The following AKAP9 variants were observed in gnomAD, a reference collection of about 807,000 sequenced individuals.
AKAP9 encodes the protein A-kinase anchor protein 9.
A neutral mutation model predicts 488.5 loss-of-function variants in AKAP9; 311 were observed. That is an observed-to-expected ratio of 0.64 (90% CI 0.58 to 0.70). The LOEUF is 0.70. AKAP9 is among the 30% of genes least tolerant of loss of function. The pLI is 0.00. For missense variants in AKAP9, 4,215 were observed against 4,374.5 expected, an observed-to-expected ratio of 0.96 and a Z score of 1.03; for synonymous variants, 1,462 against 1,483.5, an observed-to-expected ratio of 0.99 and a Z score of 0.33.
Position 91,951,562 on chromosome 7 carries a change from C to T in AKAP9, c.48+10415C>T, listed in dbSNP as rs373327815. 3.8e-3 allele frequency among the ~76,000 whole-genome samples: 585 copies of T among 152,244 alleles called. 3 individuals carry two copies. Among genetic ancestry groups the T allele is most frequent in the African/African-American group, 0.013 (561 of 41,562 alleles). ...CTGGTCTTGAACTCCTGGGCTCAAG[C>T]GGTTCTCCCACCTTGGCCTCCCAGT... On this transcript the variant is annotated intron_variant, in intron 1 of 49. Transcript: ENST00000356239.
At chr7:92,019,362 G>A (rs1024174021) in intron 12 of AKAP9, among the ~76,000 whole-genome samples, 2 of 151,570 alleles carry the variant, frequency 1.3e-5, no homozygotes, top group Non-Finnish European at 2.9e-5. Context: ...GGCTGGTCTC[G>A]AACTCTTGAC....
At chr7:91,954,234 A>G (rs1792655034) in intron 1 of AKAP9, among the ~76,000 whole-genome samples, 1 of 152,168 alleles carries the variant, frequency 6.6e-6, no homozygotes, top group Non-Finnish European at 1.5e-5. Context: ...AAATTATGGG[A>G]TGAGTCTCCA....
At chr7:92,030,519 G>A (rs1387905844) in intron 15 of AKAP9, among the ~76,000 whole-genome samples, 4 of 151,918 alleles carry the variant, frequency 2.6e-5, no homozygotes, top group Non-Finnish European at 1.5e-5. Flanking sequence ...GCACTCGCCT[G>A]TAGTCCCAGC....
Position 92,014,270 on chromosome 7 carries a change from A to C in AKAP9, c.3554A>C (p.His1185Pro), listed in dbSNP as rs969969451. Residue 1185 changes from histidine to proline, a missense_variant, in exon 10 of 50, where the codon CAT (histidine) becomes CCT (proline). Coordinates refer to ENST00000356239, the MANE Select transcript of AKAP9 (RefSeq NM_005751.5). ...QETGDEGKPL[H>P]LLIGKLQKAV... ...TTAGGTGATGAAGGAAAGCCTTTAC[A>C]TCTGCTCATTGGAAAACTTCAAAAG... 1.9e-6 allele frequency: 3 copies of C among 1,613,028 alleles called. No homozygotes were observed. Among genetic ancestry groups the C allele is most frequent in the African/African-American group, 1.3e-5 (1 of 74,926 alleles).
intron 39 of AKAP9, among the ~76,000 whole-genome samples, 174 bp downstream of exon 39, chr7:92,093,490 T>C (rs979401489): frequency 2.0e-5 from 3 of 152,216 alleles, no homozygotes; most frequent in Non-Finnish European, 4.4e-5. Flanking sequence ...ATGATGAACT[T>C]ATGATCGTGA....
At chr7:91,946,700 A>G (rs1486643852) in intron 1 of AKAP9, among the ~76,000 whole-genome samples, 2 of 152,144 alleles carry the variant, frequency 1.3e-5, no homozygotes, top group Non-Finnish European at 2.9e-5. Flanking sequence ...GAAGCAAAAC[A>G]TGGTGTTTAG....
chr7:92,096,638 A>C, intron 40 of AKAP9, 51 bp from the exon 41 acceptor site: 1 of 1,608,006 alleles, frequency 6.2e-7, no homozygotes, highest in Non-Finnish European at 8.5e-7. Flanking sequence ...CGCCCGGCCA[A>C]GTATTTTTAA....
intron 47 of AKAP9, among the ~76,000 whole-genome samples, chr7:92,106,696 T>C (rs1818563939): frequency 1.3e-5 from 2 of 152,206 alleles, no homozygotes; most frequent in African/African-American, 2.4e-5. Flanking sequence ...GGTCCGAATC[T>C]GGGGAGCACA....
chr7:91,980,495 C>CTTTTTTTTTTTTTTTTTGTTTTTT (rs1796262499), intron 3 of AKAP9, among the ~76,000 whole-genome samples, 162 bp downstream of exon 3: 1 of 48,756 alleles, frequency 2.1e-5, no homozygotes, highest in Non-Finnish European at 3.3e-5. Context: ...GTATTACTGA[C>CTTTTTTTTTTTTTTTTTGTTTTTT]TTTTTTTTTT....
chr7:91,943,136 C>G (rs1791009166), intron 1 of AKAP9, among the ~76,000 whole-genome samples: 1 of 151,866 alleles, frequency 6.6e-6, no homozygotes, highest in Non-Finnish European at 1.5e-5. Flanking sequence ...GAGTTCGAGG[C>G]TGCAGTGAGC....
chr7:92,106,963 C>G (rs1429130100), intron 47 of AKAP9, among the ~76,000 whole-genome samples: 2 of 152,172 alleles, frequency 1.3e-5, no homozygotes, highest in African/African-American at 4.8e-5. Flanking sequence ...TCATTTCCCA[C>G]AAGCCACACC....
chr7:92,109,227 A>G (rs1284198547), intron 49 of AKAP9, among the ~76,000 whole-genome samples: 1 of 152,134 alleles, frequency 6.6e-6, no homozygotes, highest in Non-Finnish European at 1.5e-5. Context: ...TTCTTTGTTC[A>G]AAAACAAAAA....
chr7:92,107,807 T>C (rs10273849), intron 48 of AKAP9: 80,165 of 202,262 alleles, frequency 0.4, 17,011 homozygotes, highest in African/African-American at 0.52. Flanking sequence ...GCTGAGATTG[T>C]GCCACTGCAC....
At chr7:91,950,268 C>T in intron 1 of AKAP9, among the ~76,000 whole-genome samples, 1 of 139,910 alleles carries the variant, frequency 7.1e-6, no homozygotes. Context: ...CTTGCTCTGT[C>T]ACCCAGGCTG....
intron 46 of AKAP9, among the ~76,000 whole-genome samples, chr7:92,103,586 T>G (rs1203341974): frequency 6.6e-6 from 1 of 151,360 alleles, no homozygotes; most frequent in Non-Finnish European, 1.5e-5. Flanking sequence ...TCCCAGCTAC[T>G]TGGGAGGCTG....
At chr7:92,062,048 A>G (rs969598457) in intron 23 of AKAP9, among the ~76,000 whole-genome samples, 1 of 152,182 alleles carries the variant, frequency 6.6e-6, no homozygotes, top group South Asian at 2.1e-4. Context: ...AATTCAGAGA[A>G]ATTTCATGTT....
rs1029311669 is a variant in AKAP9, at chr7:92,003,089, A to G, written c.3172A>G (p.Asn1058Asp). ...GGTGGAAGATAAAGTTTCTTTTGAAAATATGACTGTTGGAGAAGAAAGTAA... is the reference window on the plus strand; with the variant it reads ...GGTGGAAGATAAAGTTTCTTTTGAAGATATGACTGTTGGAGAAGAAAGTAA... ...IMVEDKVSFE[N>D]MTVGEESKQE... Residue 1058 changes from asparagine (N) to aspartate (D), a missense_variant, in exon 8 of 50, where the codon AAT becomes GAT. Around this residue, in one of 5 missense-constraint regions of AKAP9, gnomAD observed 2,361 missense variants for 2,430.0 expected, o/e 0.97. Transcript: ENST00000356239. 10 of 1,612,516 alleles carry G rather than the reference A, an allele frequency of 6.2e-6. No homozygotes were observed. The African/African-American group carries it at 1.2e-4, about 19-fold the overall frequency.
At chr7:92,035,070 T>A (rs1271170503) in intron 16 of AKAP9, among the ~76,000 whole-genome samples, 1 of 152,382 alleles carries the variant, frequency 6.6e-6, no homozygotes, top group East Asian at 1.9e-4. Flanking sequence ...CATTTAATGC[T>A]ATACTCGAAA....
intron 22 of AKAP9, among the ~76,000 whole-genome samples, chr7:92,059,628 A>T (rs938154644): frequency 7.2e-5 from 11 of 152,012 alleles, no homozygotes; most frequent in Non-Finnish European, 1.0e-4. Flanking sequence ...TAGTAAATTT[A>T]AAAAAGACAA....
Sources: gnomAD v4.1 joint callset for allele counts (sites outside exome capture counted in the v4.1 genomes callset) on GRCh38, gnomAD v4.1.1 for gene constraint, gnomAD v4.1.1 regional missense constraint, MANE v1.5 for transcripts, NCBI Gene and HGNC (gene_info 2026-07-23, HGNC 2026-07-21) for gene names.